The following COQ3 variants were observed in gnomAD, a reference collection of about 807,000 sequenced individuals.
COQ3 encodes coenzyme Q3, methyltransferase.
COQ3 carries 29 observed loss-of-function variants against 33.1 expected under a neutral mutation model. That is an observed-to-expected ratio of 0.88 (90% CI 0.65 to 1.19). The LOEUF (loss-of-function observed/expected upper bound fraction) is 1.19. Among genes scored for constraint, COQ3 ranks in the 50% most tolerant of loss-of-function variants. The pLI is 0.00. For missense variants in COQ3, 437 were observed against 430.7 expected, an observed-to-expected ratio of 1.01 and a Z score of -0.13; for synonymous variants, 173 against 157.8, an observed-to-expected ratio of 1.10 and a Z score of -0.72.
At chr6:99,385,502 C>T (rs1774600039) in intron 1 of COQ3, among the ~76,000 whole-genome samples, 1 of 152,038 alleles carries the variant, frequency 6.6e-6, no homozygotes, top group Non-Finnish European at 1.5e-5. Flanking sequence ...AAAAGCAAAA[C>T]ACTTGGAAAT....
intron 1 of COQ3, among the ~76,000 whole-genome samples, chr6:99,388,854 CTAAA>C (rs1205364325): frequency 6.7e-6 from 1 of 148,986 alleles, no homozygotes; most frequent in Non-Finnish European, 1.5e-5. Context: ...ATCTCAAAAA[CTAAA>C]TAAGTAAATA....
At position 99,380,257 on chromosome 6, in the gene COQ3, T is replaced by C; in HGVS notation, c.318A>G (p.Lys106=). 1 of 1,614,112 alleles carries C rather than the reference T, an allele frequency of 6.2e-7. No individual in the cohort carries two copies. The highest frequency in any genetic ancestry group is 8.5e-7 in the Non-Finnish European group (1 of 1,180,000). ...EVKTFLALAH[K]WWDEQGVYAP... ...CATATACTCCTTGTTCATCCCACCA[T>C]TTGTGAGCCAGGGCCAAGAAGGTTT... Residue 106 remains lysine (K), a synonymous_variant, in exon 3 of 7, where the codon AAA becomes AAG. Transcript: ENST00000254759.
At chr6:99,392,988 A>G (rs1426543033) in intron 1 of COQ3, among the ~76,000 whole-genome samples, 1 of 152,178 alleles carries the variant, frequency 6.6e-6, no homozygotes, top group Admixed American at 6.5e-5. Context: ...TTCACCCCTC[A>G]AAAATTGGAA....
chr6:99,389,119 G>A (rs1774750775), intron 1 of COQ3, among the ~76,000 whole-genome samples: 1 of 151,864 alleles, frequency 6.6e-6, no homozygotes, highest in Admixed American at 6.6e-5. Flanking sequence ...TGGGGTTTTT[G>A]TTTTGTTTTG....
At chr6:99,378,147 TATATATATATTTAGAG>T (rs1399566474) in intron 3 of COQ3, among the ~76,000 whole-genome samples, 1 of 35,442 alleles carries the variant, frequency 2.8e-5, no homozygotes, top group Non-Finnish European at 6.6e-5. Flanking sequence ...TATATATATA[TATATATATATTTAGAG>T]AGAGAGAGAG....
rs1774429176 is a variant in COQ3, at chr6:99,380,242, T to G, written c.333A>C (p.Gln111His). ...TGGAATGAAGAGGTGCATATACTCCTTGTTCATCCCACCATTTGTGAGCCA... is the reference window on the plus strand; with the variant it reads ...TGGAATGAAGAGGTGCATATACTCCGTGTTCATCCCACCATTTGTGAGCCA... ...LALAHKWWDEQGVYAPLHSMN... is the reference protein window; with the variant it reads ...LALAHKWWDEHGVYAPLHSMN... Residue 111 changes from glutamine to histidine, a missense_variant, in exon 3 of 7, where the codon CAA (glutamine) becomes CAC (histidine). Physicochemically the swap from Gln to His is conservative, Grantham distance 24. Transcript: ENST00000254759. The G allele has an allele frequency of 1.2e-6, 2 of 1,614,000 alleles. No homozygotes were observed. The highest frequency in any genetic ancestry group is 1.7e-6 in the Non-Finnish European group (2 of 1,180,008).
chr6:99,377,844 A>C (rs1774339966), intron 3 of COQ3, among the ~76,000 whole-genome samples: 1 of 151,954 alleles, frequency 6.6e-6, no homozygotes, highest in African/African-American at 2.4e-5. Context: ...TCATGTCAGC[A>C]GCAAATAGGT....
rs200376510 is a variant in COQ3 at position 99,394,193 on chromosome 6, C to T, written c.-14G>A. 164 of 1,558,222 alleles carry T rather than the reference C, an allele frequency of 1.1e-4. No homozygotes were observed. The highest frequency in any genetic ancestry group is 1.4e-4 in the Non-Finnish European group (157 of 1,150,962). ...GCCACTCCACATCGCGACAAACGAT[C>T]CCACCTCTTTTCCGGTCCCTCCCGA... On this transcript the variant is annotated 5_prime_UTR_variant, in exon 1 of 7. Transcript: ENST00000254759.
chr6:99,374,261 G>A (rs1162750685), intron 5 of COQ3, among the ~76,000 whole-genome samples: 2 of 152,130 alleles, frequency 1.3e-5, no homozygotes, highest in Non-Finnish European at 2.9e-5. Flanking sequence ...AATGAGGCAA[G>A]TGAGTCTTCT....
chr6:99,381,428 TCTC>T (rs1164869818), intron 2 of COQ3, among the ~76,000 whole-genome samples: 2 of 152,130 alleles, frequency 1.3e-5, no homozygotes, highest in Non-Finnish European at 2.9e-5. Flanking sequence ...TTCCTTCTAT[TCTC>T]CTCATCCTTC....
At chr6:99,378,221 ATAT>A (rs1466184116) in intron 3 of COQ3, among the ~76,000 whole-genome samples, 1 of 146,016 alleles carries the variant, frequency 6.8e-6, no homozygotes, top group Non-Finnish European at 1.5e-5. Flanking sequence ...ATTAAAATAA[ATAT>A]TATTCATAAT....
In COQ3 at chr6:99,383,882, T is replaced by C. The variant is rs995598270; in HGVS notation, c.107-58A>G. ...CTTTGCACAGTAAGAATCCCTGATATGCATGTAATTGAAGATTCTATTTTA... is the reference window on the plus strand; with the variant it reads ...CTTTGCACAGTAAGAATCCCTGATACGCATGTAATTGAAGATTCTATTTTA... On this transcript the variant is annotated intron_variant, in intron 1 of 6. Coordinates refer to ENST00000254759, the MANE Select transcript of COQ3 (RefSeq NM_017421.4). 11 of 1,238,692 alleles carry C rather than the reference T, an allele frequency of 8.9e-6. No individual in the cohort carries two copies. In the African/African-American group the frequency reaches 1.7e-4, roughly 19 times the overall value. The allele number at this position is 1,238,692 out of a possible 1,614,324, so 76.7% of individuals were successfully genotyped here.
chr6:99,378,030 C>G (rs1032831316), intron 3 of COQ3, among the ~76,000 whole-genome samples: 6 of 147,168 alleles, frequency 4.1e-5, no homozygotes, highest in Non-Finnish European at 9.0e-5. Flanking sequence ...ACGGTTAATA[C>G]TTTACCTATA....
At chr6:99,390,245 T>C (rs183639122) in intron 1 of COQ3, among the ~76,000 whole-genome samples, 2 of 152,306 alleles carry the variant, frequency 1.3e-5, no homozygotes, top group East Asian at 1.9e-4. Context: ...TGCCACTAAA[T>C]AGATGTTGAA....
At chr6:99,371,385 C>A in intron 6 of COQ3, 43 bp downstream of exon 6, 1 of 1,380,182 alleles carries the variant, frequency 7.2e-7, no homozygotes, top group South Asian at 1.3e-5. Context: ...ATTAAAAGTT[C>A]AGCTAGGCCT....
At chr6:99,376,866 G>A (rs1386822181) in intron 4 of COQ3, among the ~76,000 whole-genome samples, 1 of 151,888 alleles carries the variant, frequency 6.6e-6, no homozygotes, top group Non-Finnish European at 1.5e-5. Flanking sequence ...GGGAGGCTGA[G>A]GCAGAAGAAT....
At chr6:99,384,397 C>A (rs1774558099) in intron 1 of COQ3, among the ~76,000 whole-genome samples, 1 of 151,924 alleles carries the variant, frequency 6.6e-6, no homozygotes, top group African/African-American at 2.4e-5. Context: ...GTTTTTCATG[C>A]CATTAGTTTT....
intron 2 of COQ3, among the ~76,000 whole-genome samples, chr6:99,381,905 G>A (rs1318908858): frequency 2.2e-5 from 3 of 138,852 alleles, no homozygotes; most frequent in Non-Finnish European, 4.6e-5. Flanking sequence ...CAGCCTGGGT[G>A]AAAGAGCAAG....
intron 2 of COQ3, chr6:99,383,131 C>T (rs1380281731): frequency 6.6e-6 from 1 of 152,086 alleles, no homozygotes; most frequent in Non-Finnish European, 1.5e-5. Flanking sequence ...GAAACTCCAC[C>T]TCAAAACAAC....
Sources: gnomAD v4.1 joint callset for allele counts (sites outside exome capture counted in the v4.1 genomes callset) on GRCh38, gnomAD v4.1.1 for gene constraint, MANE v1.5 for transcripts, NCBI Gene and HGNC (gene_info 2026-07-23, HGNC 2026-07-21) for gene names.